The following USP39 variants were observed in gnomAD, a reference collection of about 807,000 sequenced individuals.
USP39 encodes the protein ubiquitin carboxyl-terminal hydrolase 39.
USP39 carries 38 observed loss-of-function variants against 66.4 expected under a neutral mutation model. That is an observed-to-expected ratio of 0.57 (90% CI 0.44 to 0.75). The LOEUF is 0.75. Ranked by LOEUF, USP39 falls within the 30% of genes least tolerant of loss-of-function variation. The pLI is 0.00. For missense variants in USP39, 608 were observed against 714.4 expected, an observed-to-expected ratio of 0.85 and a Z score of 1.70; for synonymous variants, 303 against 274.6, an observed-to-expected ratio of 1.10 and a Z score of -1.02.
chr2:85,611,321 G>A, upstream of USP39: 1 of 1,427,560 alleles, frequency 7.0e-7, no homozygotes, highest in South Asian at 1.5e-5. Context: ...CATTTACTGG[G>A]TTCATTCCGC....
chr2:85,612,561 GC>G (rs1673634232), upstream of USP39, among the ~76,000 whole-genome samples: 1 of 152,240 alleles, frequency 6.6e-6, no homozygotes, highest in Admixed American at 6.5e-5. Context: ...GGCCCGGCTT[GC>G]CTCCTGCTCA....
intron 11 of USP39, among the ~76,000 whole-genome samples, chr2:85,646,904 T>G (rs1676686255): frequency 1.3e-5 from 2 of 150,684 alleles, no homozygotes; most frequent in Non-Finnish European, 3.0e-5. Context: ...TTTTTTTTTT[T>G]TAAGACAGAG....
intron 1 of USP39, among the ~76,000 whole-genome samples, chr2:85,616,702 G>C (rs1480535713): frequency 6.9e-6 from 1 of 144,360 alleles, no homozygotes; most frequent in African/African-American, 2.5e-5. Context: ...TTTTGAGATG[G>C]AGTCTCATTC....
rs1290447517 is a variant in USP39, at chr2:85,639,274, G to T, written c.1167G>T (p.Met389Ile). 2.5e-6 allele frequency: 4 copies of T among 1,613,912 alleles called. No homozygotes were observed. In the Admixed American group the frequency reaches 6.7e-5, roughly 27 times the overall value. The part of the protein sequence containing the change: ...YQETMVESTF[M>I]YLTLDLPTAP... Reference sequence around the variant, plus strand: ...AGACAATGGTGGAGTCCACTTTTATGTACCTGACGCTGGACCTTCCTACTG... The same window carrying T: ...AGACAATGGTGGAGTCCACTTTTATTTACCTGACGCTGGACCTTCCTACTG... The change falls in exon 9 of 13, where the codon ATG becomes ATT. Residue 389 changes from methionine (M) to isoleucine (I), a missense_variant. Coordinates refer to ENST00000323701, the MANE Select transcript of USP39 (RefSeq NM_006590.4).
At chr2:85,636,239 G>C (rs1450858723) in intron 7 of USP39, 109 bp downstream of exon 7, 3 of 1,022,218 alleles carry the variant, frequency 2.9e-6, no homozygotes, top group Non-Finnish European at 4.4e-6. Context: ...AGGCCGAGGT[G>C]GGTGGATTAC....
At chr2:85,644,842 G>C in intron 10 of USP39, 106 bp from the exon 11 acceptor site, 1 of 1,477,484 alleles carries the variant, frequency 6.8e-7, no homozygotes, top group Non-Finnish European at 9.1e-7. Flanking sequence ...CAGAGAAAGG[G>C]TCCTAAAATA....
At chr2:85,633,999 G>A (rs1166420740) in intron 6 of USP39, among the ~76,000 whole-genome samples, 5 of 150,270 alleles carry the variant, frequency 3.3e-5, no homozygotes, top group African/African-American at 1.2e-4. Flanking sequence ...CACTACGCCC[G>A]GCTAATTTTT....
chr2:85,617,370 A>T (rs1294282731), intron 1 of USP39, among the ~76,000 whole-genome samples: 1 of 152,222 alleles, frequency 6.6e-6, no homozygotes, highest in Non-Finnish European at 1.5e-5. Context: ...TAAGCTGAAT[A>T]AAGTCTGGAG....
In USP39 at chr2:85,625,613, T is replaced by C. The variant is rs1674792980; in HGVS notation, c.645T>C (p.Tyr215=). ...AGCAAGCCAAATTGTCCCGGGCATATGATGGTACCACTTACCTGCCGGGTA... is the reference window on the plus strand; with the variant it reads ...AGCAAGCCAAATTGTCCCGGGCATACGATGGTACCACTTACCTGCCGGGTA... ...LDKQAKLSRA[Y]DGTTYLPGIV... is the part of the protein sequence containing the mutation. The change falls in exon 5 of 13, where the codon TAT becomes TAC. Residue 215 remains tyrosine, a synonymous_variant. Transcript: ENST00000323701. 1.2e-6 allele frequency: 2 copies of C among 1,613,960 alleles called. No individual in the cohort carries two copies. Among genetic ancestry groups the C allele is most frequent in the African/African-American group, 1.3e-5 (1 of 74,904 alleles).
At chr2:85,628,081 G>C (rs1675008054) in intron 5 of USP39, among the ~76,000 whole-genome samples, 1 of 152,028 alleles carries the variant, frequency 6.6e-6, no homozygotes, top group African/African-American at 2.4e-5. Context: ...CTCTGGAAAG[G>C]TCAAATTCTT....
intron 4 of USP39, among the ~76,000 whole-genome samples, chr2:85,624,962 T>TAAACAAA (rs1553455555): frequency 2.9e-5 from 4 of 137,414 alleles, no homozygotes; most frequent in African/African-American, 1.1e-4. Flanking sequence ...AAACTCCATC[T>TAAACAAA]AAAAAAAAAA....
chr2:85,607,163 A>G (rs528841294), upstream of USP39: 1 of 152,312 alleles, frequency 6.6e-6, no homozygotes, highest in African/African-American at 2.4e-5. Flanking sequence ...CAGCTGTGCG[A>G]AAACAGACCT....
At chr2:85,626,778 C>T (rs951421873) in intron 5 of USP39, among the ~76,000 whole-genome samples, 2 of 149,890 alleles carry the variant, frequency 1.3e-5, no homozygotes, top group African/African-American at 2.5e-5. Flanking sequence ...AGTGTAGTGG[C>T]GCAATCTCAG....
chr2:85,609,121 A>T (rs1573372756), upstream of USP39: 9 of 1,601,412 alleles, frequency 5.6e-6, 1 homozygote, highest in Admixed American at 1.4e-4. Flanking sequence ...CAGAAAGGTG[A>T]CCTGCCCTGT....
rs767948319 is a variant in USP39, at chr2:85,642,373, G to A, written c.1427+1255G>A. ...GTCTGTGTGTCAAAGTTTTATTTCA[G>A]CACTAGCCTCTTGTGAATTGCCAGT... is the stretch of plus-strand genomic sequence containing the variant. On this transcript the variant is annotated intron_variant, in intron 10 of 12. Transcript: ENST00000323701. 3.7e-4 allele frequency among the ~76,000 whole-genome samples: 57 copies of A among 152,294 alleles called. 2 individuals carry two copies. Among genetic ancestry groups the A allele is most frequent in the Non-Finnish European group, 5.9e-5 (4 of 68,024 alleles).
chr2:85,619,973 G>A (rs569050194), intron 2 of USP39, among the ~76,000 whole-genome samples: 213 of 152,052 alleles, frequency 1.4e-3, no homozygotes, highest in Admixed American at 2.2e-3. Flanking sequence ...TCCTGCCTCA[G>A]CTTCCTGAGT....
chr2:85,634,631 C>T lies in USP39; in HGVS notation c.950-1422C>T, dbSNP rs116224920. Among the ~76,000 whole-genome samples, 574 of 152,238 alleles carry T rather than the reference C, an allele frequency of 3.8e-3. 5 individuals are homozygous for T. Among genetic ancestry groups the T allele is most frequent in the African/African-American group, 0.013 (556 of 41,552 alleles). ...AAACAGGTGACAGCCTGTTTGTGTG[C>T]TTTGTAGGACCATCTAATTCCCAAG... On this transcript the variant is annotated intron_variant, in intron 6 of 12. Coordinates refer to ENST00000323701, the MANE Select transcript of USP39 (RefSeq NM_006590.4).
In USP39 at chr2:85,625,626, T is replaced by C. The variant is rs1323500306; in HGVS notation, c.658T>C (p.Tyr220His). The C allele has an allele frequency of 1.2e-6, 2 of 1,614,052 alleles. No homozygotes were observed. Among genetic ancestry groups the C allele is most frequent in the Non-Finnish European group, 8.5e-7 (1 of 1,179,960 alleles). Residue 220 changes from tyrosine to histidine, a missense_variant, in exon 5 of 13, where the codon TAC (tyrosine) becomes CAC (histidine). By Grantham distance (83) the Tyr-to-His change is moderately conservative (BLOSUM62 2). Around this residue, in one of 6 missense-constraint regions of USP39, gnomAD observed 115 missense variants for 198.6 expected, o/e 0.58. Coordinates refer to ENST00000323701, the MANE Select transcript of USP39 (RefSeq NM_006590.4). The part of the protein sequence containing the change: ...KLSRAYDGTT[Y>H]LPGIVGLNNI... ...GTCCCGGGCATATGATGGTACCACT[T>C]ACCTGCCGGGTATTGTGGGACTGAA...
upstream of USP39, among the ~76,000 whole-genome samples, chr2:85,612,916 C>G (rs555552230): frequency 1.3e-5 from 2 of 151,856 alleles, no homozygotes; most frequent in South Asian, 4.2e-4. Context: ...CTGCCTCGGC[C>G]TCCCAAAGTG....
Sources: gnomAD v4.1 joint callset for allele counts (sites outside exome capture counted in the v4.1 genomes callset) on GRCh38, gnomAD v4.1.1 for gene constraint, gnomAD v4.1.1 regional missense constraint, MANE v1.5 for transcripts, NCBI Gene and HGNC (gene_info 2026-07-23, HGNC 2026-07-21) for gene names.